XKR9: variants seen among roughly 807,000 people sequenced by gnomAD.
The protein encoded by XKR9 is XK related 9.
In XKR9, 32 loss-of-function variants were observed where a neutral mutation model predicts 32.0. The observed-to-expected ratio is 1.00, with a 90% CI of 0.76 to 1.34. The LOEUF (loss-of-function observed/expected upper bound fraction) is 1.34, where lower values mean the gene tolerates loss of function less well. XKR9 is among the 40% of genes most tolerant of loss of function. The pLI, the probability that XKR9 is intolerant of heterozygous loss-of-function variation, is 0.00. For synonymous variants in XKR9, 168 were observed against 143.4 expected, an observed-to-expected ratio of 1.17 and a Z score of -1.22; for missense variants, 546 against 429.7, an observed-to-expected ratio of 1.27 and a Z score of -2.39.
At chr8:70,809,237 G>A in the XKR9 span, among the ~76,000 whole-genome samples, 1 of 152,186 alleles carries the variant, frequency 6.6e-6, no homozygotes, top group African/African-American at 2.4e-5. Flanking sequence ...TGAGGGTCCT[G>A]ACTGTTAGAA....
chr8:70,951,486 T>C, the XKR9 span, among the ~76,000 whole-genome samples: 3 of 152,240 alleles, frequency 2.0e-5, no homozygotes, highest in Non-Finnish European at 4.4e-5. Context: ...TTGTTAGCAC[T>C]TTACACAAGA....
chr8:70,956,325 T>C, the XKR9 span, among the ~76,000 whole-genome samples: 2 of 152,200 alleles, frequency 1.3e-5, no homozygotes, highest in Admixed American at 1.3e-4. Flanking sequence ...CTCAGTCATC[T>C]TGATGAGTGA....
intron 3 of XKR9, among the ~76,000 whole-genome samples, chr8:70,689,105 A>G (rs1460152281): frequency 6.6e-6 from 1 of 152,204 alleles, no homozygotes; most frequent in African/African-American, 2.4e-5. Context: ...TTGTAAACTT[A>G]TAACAGAAAA....
chr8:70,980,969 A>G, the XKR9 span, among the ~76,000 whole-genome samples: 1 of 152,208 alleles, frequency 6.6e-6, no homozygotes, highest in Non-Finnish European at 1.5e-5. Context: ...ATAGGACCTC[A>G]ATTTCTTCTA....
At chr8:70,678,338 T>C (rs984685033) in intron 2 of XKR9, among the ~76,000 whole-genome samples, 10 of 152,222 alleles carry the variant, frequency 6.6e-5, no homozygotes, top group African/African-American at 1.9e-4. Context: ...ACATAATAGA[T>C]GTACATATTT....
At chr8:70,852,260 G>A in the XKR9 span, among the ~76,000 whole-genome samples, 3 of 152,120 alleles carry the variant, frequency 2.0e-5, no homozygotes, top group Non-Finnish European at 4.4e-5. Flanking sequence ...TTAGAATAGC[G>A]ATTATTAAAA....
intron 2 of XKR9, among the ~76,000 whole-genome samples, chr8:70,763,668 T>G (rs1379478318): frequency 6.6e-6 from 1 of 152,226 alleles, no homozygotes; most frequent in Non-Finnish European, 1.5e-5. Flanking sequence ...AAAAATTATT[T>G]TTTTCCCTTT....
chr8:70,939,383 A>G, the XKR9 span, among the ~76,000 whole-genome samples: 1 of 152,058 alleles, frequency 6.6e-6, no homozygotes, highest in Non-Finnish European at 1.5e-5. Context: ...CATGAGTAGC[A>G]ATGTTTTCTT....
chr8:70,782,537 T>C (rs1374511779), intron 2 of XKR9, among the ~76,000 whole-genome samples: 4 of 151,946 alleles, frequency 2.6e-5, no homozygotes, highest in Non-Finnish European at 4.4e-5. Context: ...ATCTTATTCC[T>C]TCTGCTTGAG....
the XKR9 span, among the ~76,000 whole-genome samples, chr8:71,042,866 C>T: frequency 1.3e-5 from 2 of 152,056 alleles, no homozygotes; most frequent in Non-Finnish European, 2.9e-5. Context: ...GTGGTTATGC[C>T]GTTGCTTCCC....
the XKR9 span, among the ~76,000 whole-genome samples, chr8:70,936,774 AT>A: frequency 6.6e-6 from 1 of 152,040 alleles, no homozygotes; most frequent in Admixed American, 6.6e-5. Flanking sequence ...CTGAACTCTC[AT>A]TTCAAGGCTG....
At chr8:70,669,825 C>T (rs1031171619) in intron 1 of XKR9, among the ~76,000 whole-genome samples, 1 of 151,928 alleles carries the variant, frequency 6.6e-6, no homozygotes, top group Non-Finnish European at 1.5e-5. Flanking sequence ...CGCCACCACG[C>T]CCGGCTAATT....
At chr8:70,777,965 C>A (rs1807555949) in intron 2 of XKR9, among the ~76,000 whole-genome samples, 1 of 152,080 alleles carries the variant, frequency 6.6e-6, no homozygotes, top group South Asian at 2.1e-4. Flanking sequence ...AAATTAGATC[C>A]CATTTGTCAA....
the XKR9 span, among the ~76,000 whole-genome samples, chr8:71,005,208 TTTTTTCTTTTC>T: frequency 6.9e-6 from 1 of 143,886 alleles, no homozygotes; most frequent in Non-Finnish European, 1.5e-5. Context: ...GGCTCAGTTT[TTTTTTCTTTTC>T]TTTTTCTTTT....
chr8:70,685,905 A>T (rs1289034207), intron 3 of XKR9, among the ~76,000 whole-genome samples: 1 of 150,902 alleles, frequency 6.6e-6, no homozygotes, highest in Non-Finnish European at 1.5e-5. Context: ...AAAAAATTAT[A>T]TTTAAATAAT....
chr8:70,854,742 G>A, the XKR9 span, among the ~76,000 whole-genome samples: 2 of 152,096 alleles, frequency 1.3e-5, no homozygotes, highest in Admixed American at 1.3e-4. Context: ...TCTACATATG[G>A]CAAGCCAGTT....
chr8:70,920,618 G>C, the XKR9 span, among the ~76,000 whole-genome samples: 12,722 of 151,992 alleles, frequency 0.084, 608 homozygotes, highest in African/African-American at 0.097. Flanking sequence ...TTAAGCAGAG[G>C]TTAAAAGACC....
chr8:71,043,456 C>G, the XKR9 span, among the ~76,000 whole-genome samples: 3 of 152,192 alleles, frequency 2.0e-5, no homozygotes, highest in African/African-American at 7.2e-5. Flanking sequence ...CAAGGTAAAG[C>G]ACAGGTCTGG....
At chr8:71,056,350 T>C in the XKR9 span, among the ~76,000 whole-genome samples, 1 of 152,176 alleles carries the variant, frequency 6.6e-6, no homozygotes, top group East Asian at 1.9e-4. Flanking sequence ...ACATTTGCCT[T>C]ATTTTTCATG....
Sources: allele counts gnomAD v4.1 joint callset (sites outside exome capture counted in the v4.1 genomes callset), GRCh38; gene constraint gnomAD v4.1.1; transcripts MANE v1.5; gene names NCBI Gene and HGNC (gene_info 2026-07-23, HGNC 2026-07-21).